The following PARP8 variants were observed in gnomAD, a reference collection of about 807,000 sequenced individuals.
PARP8 encodes protein mono-ADP-ribosyltransferase PARP8.
A neutral mutation model predicts 124.1 loss-of-function variants in PARP8; 51 were observed. That is an observed-to-expected ratio of 0.41 (90% CI 0.33 to 0.52). The LOEUF is 0.52. PARP8 is among the 20% of genes least tolerant of loss of function. The pLI, the probability that PARP8 is intolerant of heterozygous loss-of-function variation, is 0.21. For missense variants in PARP8, 860 were observed against 1,018.9 expected, an observed-to-expected ratio of 0.84 and a Z score of 2.12; for synonymous variants, 391 against 361.5, an observed-to-expected ratio of 1.08 and a Z score of -0.93.
chr5:50,806,212 T>G (rs1019976016), intron 14 of PARP8, among the ~76,000 whole-genome samples: 2 of 152,058 alleles, frequency 1.3e-5, no homozygotes, highest in African/African-American at 4.8e-5. Flanking sequence ...AGTAATTTGT[T>G]CAGTGTTACT....
chr5:50,822,647 A>G (rs1178787244), intron 17 of PARP8, among the ~76,000 whole-genome samples: 1 of 152,180 alleles, frequency 6.6e-6, no homozygotes, highest in African/African-American at 2.4e-5. Context: ...GCTTGGGTAC[A>G]TGTAGGTATG....
intron 2 of PARP8, among the ~76,000 whole-genome samples, chr5:50,732,608 G>A (rs149069037): frequency 4.6e-5 from 7 of 152,028 alleles, no homozygotes; most frequent in Non-Finnish European, 8.8e-5. Context: ...TCAGCAGATT[G>A]TATTTTTTTC....
intron 14 of PARP8, among the ~76,000 whole-genome samples, chr5:50,805,478 T>C (rs569033946): frequency 3.9e-5 from 6 of 152,206 alleles, no homozygotes; most frequent in African/African-American, 1.4e-4. Context: ...CCGGAAAATA[T>C]AGGTAGAAGT....
chr5:50,673,601 G>C (rs887050558), intron 2 of PARP8, among the ~76,000 whole-genome samples: 1 of 152,190 alleles, frequency 6.6e-6, no homozygotes, highest in African/African-American at 2.4e-5. Flanking sequence ...GTAAGTCAAT[G>C]TTTATGTAAG....
chr5:50,796,421 G>A lies in PARP8; in HGVS notation c.1429-561G>A, dbSNP rs1418954737. ...GAAGCCCATTCCTACTCAAACATAC[G>A]TTTTAAGGACATAGAGCAAATAATG... On this transcript the variant is annotated intron_variant, in intron 12 of 25. Transcript: ENST00000281631. Among the ~76,000 whole-genome samples the A allele has an allele frequency of 3.3e-5, 5 of 152,122 alleles. No homozygotes were observed. In the East Asian group the frequency reaches 7.7e-4, roughly 23 times the overall value.
chr5:50,823,593 A>G (rs1243752077), intron 17 of PARP8, among the ~76,000 whole-genome samples: 1 of 152,246 alleles, frequency 6.6e-6, no homozygotes, highest in Admixed American at 6.5e-5. Context: ...GAAAAAAAGA[A>G]CATATTGGAA....
At chr5:50,756,294 G>T (rs577525196) in intron 3 of PARP8, among the ~76,000 whole-genome samples, 10 of 152,072 alleles carry the variant, frequency 6.6e-5, no homozygotes, top group South Asian at 2.1e-4. Context: ...TTTTTGTCCA[G>T]TCAGTATGAT....
chr5:50,786,568 A>G (rs988843784), intron 9 of PARP8, among the ~76,000 whole-genome samples: 3 of 150,300 alleles, frequency 2.0e-5, no homozygotes, highest in East Asian at 1.9e-4. Flanking sequence ...GAGTCTCTCT[A>G]TGTTTCCAAG....
At chr5:50,784,148 T>A (rs1206485417) in intron 9 of PARP8, among the ~76,000 whole-genome samples, 1 of 152,184 alleles carries the variant, frequency 6.6e-6, no homozygotes, top group Admixed American at 6.5e-5. Flanking sequence ...AGATTTAGAC[T>A]GACCTACTTA....
chr5:50,827,180 C>T lies in PARP8; in HGVS notation c.1977+377C>T, dbSNP rs77222364. Among the ~76,000 whole-genome samples, 1,476 of 152,152 alleles carry T rather than the reference C, an allele frequency of 9.7e-3. 70 individuals carry two copies. The highest frequency in any genetic ancestry group is 0.067 in the Admixed American group (1,031 of 15,290). On this transcript the variant is annotated intron_variant, in intron 19 of 25. Transcript: ENST00000281631. ...TCTACAGCTGAGAAGCTATTGACCTCAGACAACTTATTTATCAGCCTAGTA... is the reference window on the plus strand; with the variant it reads ...TCTACAGCTGAGAAGCTATTGACCTTAGACAACTTATTTATCAGCCTAGTA...
In PARP8 at chr5:50,666,775, C is replaced by G. The variant is rs1444129764; in HGVS notation, c.-321C>G. The G allele has an allele frequency of 3.3e-6, 3 of 898,930 alleles. No homozygotes were observed. Among genetic ancestry groups the G allele is most frequent in the Admixed American group, 9.7e-5 (2 of 20,720 alleles). 55.7% of individuals were successfully genotyped at this position (898,930 alleles called of 1,614,324 possible). ...ACCTCGGCCCCCACGGCCGTTGGTCCGGGCGGGTGAGGGAGAAAGTGAGAC... is the reference window on the plus strand; with the variant it reads ...ACCTCGGCCCCCACGGCCGTTGGTCGGGGCGGGTGAGGGAGAAAGTGAGAC... On this transcript the variant is annotated 5_prime_UTR_variant, in exon 1 of 26. Transcript: ENST00000281631.
chr5:50,816,218 AT>A (rs1422453949), intron 15 of PARP8, among the ~76,000 whole-genome samples: 1 of 152,188 alleles, frequency 6.6e-6, no homozygotes, highest in Non-Finnish European at 1.5e-5. Flanking sequence ...TTATGAATAA[AT>A]TTAATGTATG....
chr5:50,709,638 T>G, intron 2 of PARP8, among the ~76,000 whole-genome samples: 1 of 151,980 alleles, frequency 6.6e-6, no homozygotes, highest in Non-Finnish European at 1.5e-5. Flanking sequence ...AGTAAAATTC[T>G]TGAGTGCAGT....
At chr5:50,765,269 A>T (rs972999531) in intron 7 of PARP8, among the ~76,000 whole-genome samples, 4 of 152,128 alleles carry the variant, frequency 2.6e-5, no homozygotes, top group African/African-American at 9.7e-5. Flanking sequence ...TCTCAAAAAA[A>T]AAAAGAAAGA....
At chr5:50,786,022 AAGATTCACATCAGC>A (rs1480104522) in intron 9 of PARP8, among the ~76,000 whole-genome samples, 2 of 152,062 alleles carry the variant, frequency 1.3e-5, no homozygotes, top group Non-Finnish European at 2.9e-5. Context: ...TTTCTCTTAG[AAGATTCACATCAGC>A]AAATATTTCT....
At chr5:50,738,984 T>G (rs1192191313) in intron 2 of PARP8, 1 of 702,442 alleles carries the variant, frequency 1.4e-6, no homozygotes, top group African/African-American at 1.7e-5. Flanking sequence ...ATCAAGCACA[T>G]TCCTAGACTG....
At chr5:50,785,884 C>T (rs1741192219) in intron 9 of PARP8, among the ~76,000 whole-genome samples, 1 of 152,094 alleles carries the variant, frequency 6.6e-6, no homozygotes, top group Non-Finnish European at 1.5e-5. Flanking sequence ...CTGTGAATGG[C>T]ACTATCTAAG....
rs138281509 is a variant in PARP8, at chr5:50,829,900, T to C, written c.2172T>C (p.Gly724=). ...CACTCTTCCCATCTTAGCTCCATGG[T>C]GCAATGTATGGAAGTGGAATCTATC... ...VASNTRLQLH[G]AMYGSGIYLS... Residue 724 remains glycine (G), a synonymous_variant, in exon 22 of 26, where the codon GGT becomes GGC. Transcript: ENST00000281631. 1.3e-4 allele frequency: 215 copies of C among 1,607,368 alleles called. No individual in the cohort carries two copies. The African/African-American group carries it at 2.7e-3, about 20-fold the overall frequency.
rs889606293 is a variant in PARP8 at position 50,845,495 on chromosome 5, G to A, written c.*3427G>A. On this transcript the variant is annotated 3_prime_UTR_variant, in exon 26 of 26. Transcript: ENST00000281631. The stretch of plus-strand genomic sequence containing the variant: ...ATTATAACACTACCTCAAGACAAAT[G>A]ATAGACTGTTGGTAAGGTAAATTGG... 3.3e-5 allele frequency: 5 copies of A among 151,716 alleles called. No homozygotes were observed. Among genetic ancestry groups the A allele is most frequent in the Non-Finnish European group, 7.4e-5 (5 of 67,770 alleles). 9.4% of individuals were successfully genotyped at this position (151,716 alleles called of 1,614,324 possible).
Sources: gnomAD v4.1 joint callset for allele counts (sites outside exome capture counted in the v4.1 genomes callset) on GRCh38, gnomAD v4.1.1 for gene constraint, MANE v1.5 for transcripts, NCBI Gene and HGNC (gene_info 2026-07-23, HGNC 2026-07-21) for gene names.